D2HGDH: variants seen among roughly 807,000 people sequenced by gnomAD.
D2HGDH encodes the protein D-2-hydroxyglutarate dehydrogenase, also known as D-2-hydroxyglutarate dehydrogenase, mitochondrial.
Under a neutral mutation model 46.9 loss-of-function variants are expected in D2HGDH, and 31 were observed. The ratio of observed to expected loss-of-function variants is 0.66; its 90% CI spans 0.50 to 0.89. D2HGDH has a LOEUF of 0.89. Ranked by LOEUF, D2HGDH falls within the 40% of genes least tolerant of loss-of-function variation. D2HGDH has a pLI of 0.00. For missense variants in D2HGDH, 698 were observed against 720.8 expected (o/e 0.97, Z 0.36); for synonymous variants, 364 against 332.6 (o/e 1.09, Z -1.03).
chr2:241,744,645 G>A (rs1695388599), intron 5 of D2HGDH, 64 bp from the exon 6 acceptor site: 6 of 1,605,446 alleles, frequency 3.7e-6, no homozygotes, highest in Admixed American at 3.3e-5. Context: ...ACCTGGCCCC[G>A]GAGGCGACCG....
intron 8 of D2HGDH, among the ~76,000 whole-genome samples, chr2:241,753,020 C>G (rs1025520420): frequency 6.6e-6 from 1 of 152,094 alleles, no homozygotes; most frequent in African/African-American, 2.4e-5. Context: ...AGTCCTAGAC[C>G]TGTGCCTTGA....
At chr2:241,755,325 G>C (rs1479508190) in intron 8 of D2HGDH, 4 of 1,302,044 alleles carry the variant, frequency 3.1e-6, no homozygotes, top group Non-Finnish European at 4.0e-6. Context: ...TGAGCTGCCT[G>C]GGCCCTGCTG....
Position 241,735,519 on chromosome 2 carries a change from G to C in D2HGDH, c.292+3G>C. 6.2e-7 allele frequency: 1 copy of C among 1,604,808 alleles called. No individual in the cohort carries two copies. The highest frequency in any genetic ancestry group is 8.5e-7 in the Non-Finnish European group (1 of 1,179,734). On this transcript the variant is annotated splice_donor_region_variant and intron_variant, in intron 2 of 9. Coordinates refer to ENST00000321264, the MANE Select transcript of D2HGDH (RefSeq NM_152783.5). ...GGACTGGTTGCGGACGCTGCGAGGT[G>C]GGTGAGGCTTGGGAAGCTGCGGCGT... is the stretch of plus-strand genomic sequence containing the variant.
At chr2:241,749,416 T>G (rs1696705343) in intron 6 of D2HGDH, 3 of 1,234,530 alleles carry the variant, frequency 2.4e-6, no homozygotes, top group Admixed American at 2.7e-5. Context: ...ACGGGCCCCC[T>G]CCTGCTGCAG....
At chr2:241,734,818 G>T (rs539926685) in intron 1 of D2HGDH, 123 bp downstream of exon 1, 61 of 176,992 alleles carry the variant, frequency 3.4e-4, no homozygotes, top group Middle Eastern at 4.7e-3. Context: ...TGGGGGGAGG[G>T]GGACGGCGCT....
At chr2:241,756,117 C>T in intron 9 of D2HGDH, 103 bp downstream of exon 9, 1 of 1,446,530 alleles carries the variant, frequency 6.9e-7, no homozygotes, top group Middle Eastern at 2.4e-4. Context: ...TGACCATGGT[C>T]TCTGGCTTAG....
intron 6 of D2HGDH, 114 bp from the exon 7 acceptor site, chr2:241,750,037 G>A: frequency 1.3e-6 from 2 of 1,526,852 alleles, no homozygotes; most frequent in Non-Finnish European, 1.8e-6. Flanking sequence ...GCTCCTCGTG[G>A]CTGCCCAGCT....
intron 2 of D2HGDH, among the ~76,000 whole-genome samples, chr2:241,737,874 C>T (rs187834366): frequency 2.0e-5 from 3 of 152,320 alleles, no homozygotes; most frequent in Non-Finnish European, 2.9e-5. Context: ...TGGGGCTGAA[C>T]ATAGGGTGTG....
At chr2:241,761,946 G>A (rs964973242) in intron 9 of D2HGDH, among the ~76,000 whole-genome samples, 1 of 152,158 alleles carries the variant, frequency 6.6e-6, no homozygotes, top group African/African-American at 2.4e-5. Context: ...CCAGCAGCAG[G>A]AGGGAGTCTC....
intron 9 of D2HGDH, among the ~76,000 whole-genome samples, chr2:241,764,526 G>A (rs1040890679): frequency 1.3e-5 from 2 of 152,248 alleles, no homozygotes; most frequent in African/African-American, 4.8e-5. Context: ...CTCGGAGGAG[G>A]CAGGGAGCTG....
chr2:241,753,737 C>T (rs979135358), intron 8 of D2HGDH, among the ~76,000 whole-genome samples: 7 of 152,268 alleles, frequency 4.6e-5, no homozygotes, highest in African/African-American at 1.4e-4. Flanking sequence ...CTCATTGGCA[C>T]TGCCTATCCA....
At chr2:241,735,593 G>A (rs1038335420) in intron 2 of D2HGDH, 77 bp downstream of exon 2, 1 of 1,574,262 alleles carries the variant, frequency 6.4e-7, no homozygotes, top group African/African-American at 1.3e-5. Context: ...TTCAAAGCGG[G>A]CTGAGAACAA....
chr2:241,749,312 G>T, intron 6 of D2HGDH: 5 of 1,288,608 alleles, frequency 3.9e-6, no homozygotes, highest in Non-Finnish European at 5.1e-6. Context: ...TCTGCCCCCA[G>T]CCTCTGCGCC....
In D2HGDH at chr2:241,735,795, A is replaced by G. The variant is rs1692625528; in HGVS notation, c.292+279A>G. 11 of 479,002 alleles carry G rather than the reference A, an allele frequency of 2.3e-5. No homozygotes were observed. In the South Asian group the frequency reaches 2.6e-4, roughly 11 times the overall value. The allele number at this position is 479,002 out of a possible 1,614,324, so 29.7% of individuals were successfully genotyped here. On this transcript the variant is annotated intron_variant, in intron 2 of 9. Coordinates refer to ENST00000321264, the MANE Select transcript of D2HGDH (RefSeq NM_152783.5). ...GGCTGGAGTGCAGTCACGGAGTTTC[A>G]CTCTGTCGCCAGGCCGGAGTGCAGT... is the stretch of plus-strand genomic sequence containing the variant.
rs755856945 is a variant in D2HGDH at position 241,751,431 on chromosome 2, C to T, written c.1140+43C>T. The stretch of plus-strand genomic sequence containing the variant: ...TGCAGGTCCCCGCTCTCTGTCCGTC[C>T]AGTCCAGCCTTGTCTTGGGATGCCT... On this transcript the variant is annotated intron_variant, in intron 8 of 9. Transcript: ENST00000321264. The T allele has an allele frequency of 3.1e-6, 5 of 1,609,582 alleles. No homozygotes were observed. The East Asian group carries it at 8.9e-5, about 29-fold the overall frequency.
intron 8 of D2HGDH, chr2:241,755,299 C>T (rs1371543734): frequency 2.3e-6 from 3 of 1,302,876 alleles, no homozygotes; most frequent in East Asian, 5.5e-5. Flanking sequence ...CCCTGCCTCC[C>T]ACCCGACATG....
At chr2:241,749,845 G>C in intron 6 of D2HGDH, 1 of 429,760 alleles carries the variant, frequency 2.3e-6, no homozygotes, top group South Asian at 2.0e-5. Flanking sequence ...GGTGACACCA[G>C]GCGTGCCCTG....
chr2:241,740,999 C>G (rs778721523), intron 2 of D2HGDH, 34 bp from the exon 3 acceptor site: 6 of 1,596,130 alleles, frequency 3.8e-6, no homozygotes, highest in African/African-American at 2.7e-5. Flanking sequence ...CAGCTCCCCC[C>G]ACGCTGTCTC....
At chr2:241,756,912 G>A (rs1458900784) in intron 9 of D2HGDH, among the ~76,000 whole-genome samples, 1 of 152,126 alleles carries the variant, frequency 6.6e-6, no homozygotes, top group East Asian at 1.9e-4. Flanking sequence ...GGGGTGTGGA[G>A]CATGGCTTTG....
Sources: allele counts gnomAD v4.1 joint callset (sites outside exome capture counted in the v4.1 genomes callset), GRCh38; gene constraint gnomAD v4.1.1; transcripts MANE v1.5; gene names NCBI Gene and HGNC (gene_info 2026-07-23, HGNC 2026-07-21).